KDM8: variants seen among roughly 807,000 people sequenced by gnomAD.
KDM8 encodes the protein lysine demethylase 8.
A neutral mutation model predicts 46.9 loss-of-function variants in KDM8; 35 were observed. That is an observed-to-expected ratio of 0.75 (90% CI 0.57 to 0.99). The LOEUF (loss-of-function observed/expected upper bound fraction) is 0.99. Ranked by LOEUF, KDM8 falls within the 50% of genes least tolerant of loss-of-function variation. KDM8 has a pLI of 0.00. For synonymous variants in KDM8, 232 were observed against 227.7 expected, an observed-to-expected ratio of 1.02 and a Z score of -0.17; for missense variants, 475 against 537.0, an observed-to-expected ratio of 0.88 and a Z score of 1.14.
At chr16:27,218,217 G>C (rs2083575525) in intron 5 of KDM8, among the ~76,000 whole-genome samples, 1 of 152,094 alleles carries the variant, frequency 6.6e-6, no homozygotes, top group African/African-American at 2.4e-5. Flanking sequence ...TGCAGGTTGA[G>C]GCTACAGTGA....
intron 5 of KDM8, 72 bp from the exon 6 acceptor site, chr16:27,218,887 ACT>A (rs1199862928): frequency 6.5e-7 from 1 of 1,537,842 alleles, no homozygotes; most frequent in South Asian, 1.1e-5. Context: ...TGTGTTTCTG[ACT>A]CTTCGTTGGC....
chr16:27,205,168 C>G (rs1406022167), intron 1 of KDM8, among the ~76,000 whole-genome samples: 1 of 152,176 alleles, frequency 6.6e-6, no homozygotes, highest in African/African-American at 2.4e-5. Context: ...TTTATAAAGT[C>G]CAGGCCTGAG....
At position 27,213,717 on chromosome 16, in the gene KDM8, G is replaced by A. The variant is rs111675269; in HGVS notation, c.631G>A (p.Val211Met). 13 of 1,614,160 alleles carry A rather than the reference G, an allele frequency of 8.1e-6. No individual in the cohort carries two copies. The highest frequency in any genetic ancestry group is 6.7e-5 in the Admixed American group (4 of 60,026). ...VPGRPVILKG[V>M]ADHWPCMQKW... ...AGGGAGGCCCGTGATCCTGAAAGGC[G>A]TGGCTGACCACTGGCCGTGCATGCA... Residue 211 changes from valine (V) to methionine (M), a missense_variant, in exon 3 of 8, where the codon GTG becomes ATG. Val to Met is a conservative substitution (Grantham distance 21). Transcript: ENST00000286096.
At chr16:27,216,143 T>C in intron 5 of KDM8, 154 bp downstream of exon 5, 1 of 749,608 alleles carries the variant, frequency 1.3e-6, no homozygotes, top group Non-Finnish European at 2.3e-6. Flanking sequence ...TGAGGAGCCA[T>C]TTTCCTAAAG....
intron 1 of KDM8, among the ~76,000 whole-genome samples, chr16:27,205,693 C>T (rs1383757978): frequency 3.9e-5 from 6 of 152,150 alleles, no homozygotes; most frequent in Non-Finnish European, 8.8e-5. Flanking sequence ...GAAAAACTAG[C>T]CAGGCACAGT....
Position 27,220,411 on chromosome 16 carries a change from A to G in KDM8, c.1012A>G (p.Ile338Val), listed in dbSNP as rs2083605670. ...FLVQVMGRKY[I>V]RLYSPQESGA... ...TCCCCAGGTGATGGGGAGGAAGTACATCCGGCTGTATTCCCCGCAGGAGTC... is the reference window on the plus strand; with the variant it reads ...TCCCCAGGTGATGGGGAGGAAGTACGTCCGGCTGTATTCCCCGCAGGAGTC... Residue 338 changes from isoleucine (I) to valine (V), a missense_variant, in exon 7 of 8, where the codon ATC becomes GTC. By Grantham distance (29) the Ile-to-Val change is conservative. Coordinates refer to ENST00000286096, the MANE Select transcript of KDM8 (RefSeq NM_024773.3). 6.2e-7 allele frequency: 1 copy of G among 1,614,056 alleles called. No homozygotes were observed. The highest frequency in any genetic ancestry group is 8.5e-7 in the Non-Finnish European group (1 of 1,179,980).
Position 27,214,882 on chromosome 16 carries a change from G to A in KDM8, c.672G>A (p.Glu224=). 1 of 1,614,180 alleles carries A rather than the reference G, an allele frequency of 6.2e-7. No individual in the cohort carries two copies. Among genetic ancestry groups the A allele is most frequent in the Non-Finnish European group, 8.5e-7 (1 of 1,180,014 alleles). Residue 224 remains glutamate, a synonymous_variant, in exon 4 of 8, where the codon GAG becomes GAA. Coordinates refer to ENST00000286096, the MANE Select transcript of KDM8 (RefSeq NM_024773.3). ...HWPCMQKWSL[E]YIQEIAGCRT... is the part of the protein sequence containing the mutation. ...ATGTGTGTCTTTCTGCTAGTTTGGAGTATATCCAGGAGATCGCTGGCTGCC... is the reference window on the plus strand; with the variant it reads ...ATGTGTGTCTTTCTGCTAGTTTGGAATATATCCAGGAGATCGCTGGCTGCC...
chr16:27,210,421 C>T lies in KDM8; in HGVS notation c.298C>T (p.Leu100Phe). 2 of 1,606,650 alleles carry T rather than the reference C, an allele frequency of 1.2e-6. No individual in the cohort carries two copies. Among genetic ancestry groups the T allele is most frequent in the Non-Finnish European group, 1.7e-6 (2 of 1,174,474 alleles). Residue 100 changes from leucine (L) to phenylalanine (F), a missense_variant, in exon 2 of 8, where the codon CTC (leucine) becomes TTC (phenylalanine). By Grantham distance (22) the Leu-to-Phe change is conservative. Transcript: ENST00000286096. ...DWRRVYAIGC[L>F]LKALCLCQAP... is the part of the protein sequence containing the mutation. Reference sequence around the variant, plus strand: ...GCGCCGGGTCTACGCCATCGGCTGCCTCCTGAAAGCCCTGTGTCTGTGCCA... The same window carrying T: ...GCGCCGGGTCTACGCCATCGGCTGCTTCCTGAAAGCCCTGTGTCTGTGCCA...
chr16:27,216,670 G>A (rs539838358), intron 5 of KDM8, among the ~76,000 whole-genome samples: 2 of 152,224 alleles, frequency 1.3e-5, no homozygotes, highest in East Asian at 3.9e-4. Context: ...GGGGACCCAG[G>A]GCCAGTAGGG....
chr16:27,220,676 G>A lies in KDM8; in HGVS notation c.1197G>A (p.Trp399Ter), dbSNP rs2083612196. The A allele has an allele frequency of 6.2e-7, 1 of 1,614,124 alleles. No individual in the cohort carries two copies. The highest frequency in any genetic ancestry group is 1.3e-5 in the African/African-American group (1 of 75,002). The change falls in exon 8 of 8, where the codon TGG becomes TGA. Residue 399 changes from tryptophan to a stop codon, truncating the protein, a stop_gained. Transcript: ENST00000286096. LOFTEE classifies it high-confidence loss of function. Reference protein sequence around the residue: ...GEILFIPVKYWHYVRALDLSF... With the variant: ...GEILFIPVKY ...TCCTGTTCATCCCGGTGAAATACTG[G>A]CATTACGTGCGGGCTCTGGATTTGA...
Position 27,221,164 on chromosome 16 carries a change from GA to G in KDM8, c.*438del. 2 of 331,082 alleles carry G rather than the reference GA, an allele frequency of 6.0e-6. No individual in the cohort carries two copies. Among genetic ancestry groups the G allele is most frequent in the Non-Finnish European group, 6.0e-6 (1 of 167,232 alleles). 20.5% of individuals were successfully genotyped at this position (331,082 alleles called of 1,614,324 possible). ...TCCCCCACTTCGCTGTGCCCATATG[GA>G]AAAGAGGGCAAGGCCAGTCCTCACT... On this transcript the variant is annotated 3_prime_UTR_variant, in exon 8 of 8. Coordinates refer to ENST00000286096, the MANE Select transcript of KDM8 (RefSeq NM_024773.3).
intron 2 of KDM8, among the ~76,000 whole-genome samples, chr16:27,212,820 T>C (rs1234774763): frequency 2.0e-5 from 3 of 152,158 alleles, no homozygotes; most frequent in Non-Finnish European, 2.9e-5. Flanking sequence ...GCTTCCCGAG[T>C]GGCTGGGACT....
rs367775489 is a variant in KDM8, at chr16:27,213,701, C to A, written c.615C>A (p.Pro205=). 6.2e-7 allele frequency: 1 copy of A among 1,614,062 alleles called. No homozygotes were observed. The highest frequency in any genetic ancestry group is 1.3e-5 in the African/African-American group (1 of 74,928). ...FREQFLVPGR[P]VILKGVADHW... is the part of the protein sequence containing the mutation. ...AGCAGTTTTTGGTTCCAGGGAGGCC[C>A]GTGATCCTGAAAGGCGTGGCTGACC... The change falls in exon 3 of 8, where the codon CCC becomes CCA. Residue 205 remains proline, a synonymous_variant. Transcript: ENST00000286096.
At chr16:27,218,926 A>C (rs1181801450) in intron 5 of KDM8, 35 bp from the exon 6 acceptor site, 1 of 1,613,486 alleles carries the variant, frequency 6.2e-7, no homozygotes, top group Non-Finnish European at 8.5e-7. Flanking sequence ...CCCCAGCCGG[A>C]TCCCCACATC....
chr16:27,221,257 C>T lies in KDM8; in HGVS notation c.*527C>T. On this transcript the variant is annotated 3_prime_UTR_variant, in exon 8 of 8. Transcript: ENST00000286096. ...TGAACCTTAGCCGCTGTCACTGATCCCAATTACTCTGATCCTTTTGCCCTT... is the reference window on the plus strand; with the variant it reads ...TGAACCTTAGCCGCTGTCACTGATCTCAATTACTCTGATCCTTTTGCCCTT... 1 of 265,354 alleles carries T rather than the reference C, an allele frequency of 3.8e-6. No homozygotes were observed. Among genetic ancestry groups the T allele is most frequent in the Non-Finnish European group, 7.5e-6 (1 of 133,710 alleles). 16.4% of individuals were successfully genotyped at this position (265,354 alleles called of 1,614,324 possible).
In KDM8 at chr16:27,218,251, C is replaced by T. The variant is rs558242607; in HGVS notation, c.844-710C>T. ...GAGCCATGATGGTACCACTGCACTC[C>T]GGACTGGGTGACAGAACAAGACTGT... On this transcript the variant is annotated intron_variant, in intron 5 of 7. Transcript: ENST00000286096. 9.2e-5 allele frequency among the ~76,000 whole-genome samples: 14 copies of T among 151,806 alleles called. No homozygotes were observed. In the South Asian group the frequency reaches 1.3e-3, roughly 14 times the overall value.
At chr16:27,217,510 C>T (rs942726464) in intron 5 of KDM8, among the ~76,000 whole-genome samples, 6 of 152,198 alleles carry the variant, frequency 3.9e-5, no homozygotes, top group Non-Finnish European at 5.9e-5. Context: ...GGGAGGAACC[C>T]CTCACAGCCC....
intron 3 of KDM8, chr16:27,214,474 T>C (rs2083524775): frequency 5.6e-6 from 1 of 179,686 alleles, no homozygotes; most frequent in African/African-American, 2.3e-5. Flanking sequence ...GGCCTGTAAC[T>C]GATGAGGCCT....
chr16:27,217,135 C>T (rs1010327781), intron 5 of KDM8, among the ~76,000 whole-genome samples: 1 of 152,152 alleles, frequency 6.6e-6, no homozygotes, highest in South Asian at 2.1e-4. Flanking sequence ...TCCCAGCAGC[C>T]CATGCCCAGG....
Sources: allele counts gnomAD v4.1 joint callset (sites outside exome capture counted in the v4.1 genomes callset), GRCh38; gene constraint gnomAD v4.1.1; transcripts MANE v1.5; gene names NCBI Gene and HGNC (gene_info 2026-07-23, HGNC 2026-07-21).